Variants in SPHKAP observed in about 807,000 individuals in gnomAD.
The protein encoded by SPHKAP is SPHK1 interactor, AKAP domain containing.
In SPHKAP, 67 loss-of-function variants were observed where a neutral mutation model predicts 137.5. The ratio of observed to expected loss-of-function variants is 0.49; its 90% CI spans 0.40 to 0.60. The LOEUF (loss-of-function observed/expected upper bound fraction) is 0.60, where lower values mean the gene tolerates loss of function less well. SPHKAP is among the 20% of genes least tolerant of loss of function. The pLI is 0.00. For missense variants in SPHKAP, 2,097 were observed against 2,069.3 expected (o/e 1.01, Z -0.26); for synonymous variants, 813 against 785.3 (o/e 1.04, Z -0.59).
chr2:228,003,168 T>C (rs1176639230), intron 7 of SPHKAP, among the ~76,000 whole-genome samples: 1 of 152,242 alleles, frequency 6.6e-6, no homozygotes, highest in African/African-American at 2.4e-5. Flanking sequence ...AGTATGGCTA[T>C]TTTCACGACA....
chr2:228,074,338 A>C (rs1357266126), intron 3 of SPHKAP, among the ~76,000 whole-genome samples: 1 of 152,204 alleles, frequency 6.6e-6, no homozygotes, highest in Admixed American at 6.5e-5. Context: ...GATATACCTG[A>C]GACTGGTTAA....
chr2:228,063,675 G>C (rs930705856), intron 3 of SPHKAP, among the ~76,000 whole-genome samples: 1 of 152,174 alleles, frequency 6.6e-6, no homozygotes, highest in African/African-American at 2.4e-5. Flanking sequence ...AAACACGACA[G>C]AGTTTAGGTG....
rs115375305 is a variant in SPHKAP, at chr2:228,018,867, C to T, written c.1987G>A (p.Val663Ile). ...KSQTLCSENV[V>I]RNELAHTLSN... The stretch of plus-strand genomic sequence containing the variant: ...AGGGTATGTGCCAGTTCATTCCTGA[C>T]GACATTTTCTGAGCACAGGGTCTGA... The change falls in exon 7 of 12, where the codon GTC becomes ATC. Residue 663 changes from valine to isoleucine, a missense_variant. By Grantham distance (29) the Val-to-Ile change is conservative (BLOSUM62 3). Transcript: ENST00000392056. 1.7e-3 allele frequency: 2,665 copies of T among 1,614,110 alleles called. 10 individuals carry two copies. The highest frequency in any genetic ancestry group is 8.6e-3 in the Middle Eastern group (52 of 6,062).
At chr2:228,102,704 G>A (rs1698215823) in intron 3 of SPHKAP, among the ~76,000 whole-genome samples, 1 of 151,990 alleles carries the variant, frequency 6.6e-6, no homozygotes, top group Non-Finnish European at 1.5e-5. Flanking sequence ...TTCAAGTTTA[G>A]CCTTCAAGTT....
intron 1 of SPHKAP, among the ~76,000 whole-genome samples, chr2:228,175,700 G>A (rs565564953): frequency 2.0e-5 from 3 of 152,038 alleles, no homozygotes; most frequent in South Asian, 2.1e-4. Context: ...TAACAAATGC[G>A]AATGGTCTTA....
intron 3 of SPHKAP, among the ~76,000 whole-genome samples, chr2:228,047,406 T>A (rs1574797137): frequency 6.7e-6 from 1 of 149,180 alleles, no homozygotes; most frequent in Non-Finnish European, 1.5e-5. Context: ...GCGGAGGTTG[T>A]AGTGAGCCGA....
chr2:228,028,575 T>A (rs1695151879), intron 3 of SPHKAP, among the ~76,000 whole-genome samples: 1 of 152,232 alleles, frequency 6.6e-6, no homozygotes, highest in African/African-American at 2.4e-5. Flanking sequence ...TTTTACTGTT[T>A]TTACCTTTTC....
In SPHKAP at chr2:228,021,846, G is replaced by A. The variant is rs755179227; in HGVS notation, c.562C>T (p.Arg188Ter). ...ATGTTTGTTTCCAGGTGGAGCTGTCGCTCCTGCACCAGTTCCAGACCAATC... is the reference window on the plus strand; with the variant it reads ...ATGTTTGTTTCCAGGTGGAGCTGTCACTCCTGCACCAGTTCCAGACCAATC... ...FLIGLELVQERQLHLETNILK... is the reference protein window; with the variant it reads ...FLIGLELVQE Residue 188 changes from arginine (R) to a stop codon, truncating the protein, a stop_gained, in exon 6 of 12, where the codon CGA becomes TGA. Transcript: ENST00000392056. LOFTEE classifies it high-confidence loss of function. 1.2e-6 allele frequency: 2 copies of A among 1,614,010 alleles called. No individual in the cohort carries two copies. The highest frequency in any genetic ancestry group is 1.7e-5 in the Admixed American group (1 of 60,016).
In SPHKAP at chr2:228,036,777, G is replaced by A. The variant is rs868643464; in HGVS notation, c.247-9234C>T. Among the ~76,000 whole-genome samples, 8 of 151,898 alleles carry A rather than the reference G, an allele frequency of 5.3e-5. No homozygotes were observed. The South Asian group carries it at 8.3e-4, about 16-fold the overall frequency. Reference sequence around the variant, plus strand: ...AAACCATCATTTTCCGAAAACTATCGCAAGGACAAAAAACCAGACACTGCA... The same window carrying A: ...AAACCATCATTTTCCGAAAACTATCACAAGGACAAAAAACCAGACACTGCA... On this transcript the variant is annotated intron_variant, in intron 3 of 11. Transcript: ENST00000392056.
chr2:228,122,882 G>C (rs1698957912), intron 2 of SPHKAP, among the ~76,000 whole-genome samples: 2 of 152,150 alleles, frequency 1.3e-5, no homozygotes, highest in Admixed American at 1.3e-4. Flanking sequence ...CTGAACTCAT[G>C]GCTTCTCCTC....
At chr2:228,069,468 GA>G (rs1696939434) in intron 3 of SPHKAP, among the ~76,000 whole-genome samples, 1 of 125,964 alleles carries the variant, frequency 7.9e-6, no homozygotes, top group Non-Finnish European at 1.6e-5. Context: ...TTTTTTTAGA[GA>G]TGGGGGGGTC....
intron 3 of SPHKAP, among the ~76,000 whole-genome samples, chr2:228,070,943 C>T (rs1696985628): frequency 6.6e-6 from 1 of 152,094 alleles, no homozygotes; most frequent in Non-Finnish European, 1.5e-5. Flanking sequence ...TCATGGGGTT[C>T]TGGGTGGCCC....
chr2:228,179,597 C>T (rs1700842260), intron 1 of SPHKAP, among the ~76,000 whole-genome samples: 1 of 151,934 alleles, frequency 6.6e-6, no homozygotes, highest in Non-Finnish European at 1.5e-5. Flanking sequence ...AATAAAATAC[C>T]GGAAATTACT....
chr2:228,142,679 C>A (rs925118218), intron 1 of SPHKAP, among the ~76,000 whole-genome samples: 39 of 151,968 alleles, frequency 2.6e-4, no homozygotes, highest in African/African-American at 9.2e-4. Flanking sequence ...ATGAGGACAA[C>A]ACACACTGGG....
At chr2:228,142,770 A>T (rs993939328) in intron 1 of SPHKAP, among the ~76,000 whole-genome samples, 4 of 152,206 alleles carry the variant, frequency 2.6e-5, no homozygotes, top group Non-Finnish European at 5.9e-5. Context: ...TATCTGAGTG[A>T]TGAAATAATC....
intron 3 of SPHKAP, among the ~76,000 whole-genome samples, chr2:228,098,142 A>G (rs1288541791): frequency 1.5e-5 from 2 of 134,906 alleles, no homozygotes; most frequent in South Asian, 2.3e-4. Flanking sequence ...CGTTGCCAAC[A>G]TATTTTTTTT....
chr2:228,108,730 C>G (rs1478895749), intron 3 of SPHKAP, 102 bp downstream of exon 3: 6 of 755,574 alleles, frequency 7.9e-6, no homozygotes, highest in African/African-American at 1.8e-5. Flanking sequence ...ATTTTCTCAA[C>G]TTGGTATTTA....
intron 1 of SPHKAP, among the ~76,000 whole-genome samples, chr2:228,143,687 T>G (rs1404994613): frequency 3.1e-4 from 42 of 135,752 alleles, no homozygotes; most frequent in African/African-American, 9.9e-4. Flanking sequence ...TTTTTTTTTG[T>G]AGAGATGAGG....
chr2:228,020,577 G>A (rs1694803986), intron 6 of SPHKAP, among the ~76,000 whole-genome samples: 1 of 152,112 alleles, frequency 6.6e-6, no homozygotes, highest in South Asian at 2.1e-4. Flanking sequence ...GTTGGCGGGG[G>A]GAGTGGGGAG....
Sources: gnomAD v4.1 joint callset for allele counts (sites outside exome capture counted in the v4.1 genomes callset) on GRCh38, gnomAD v4.1.1 for gene constraint, MANE v1.5 for transcripts, NCBI Gene and HGNC (gene_info 2026-07-23, HGNC 2026-07-21) for gene names.